Variants in GLRA2 observed in about 807,000 individuals in gnomAD.
GLRA2 encodes glycine receptor subunit alpha-2.
In GLRA2, 11 loss-of-function variants were observed where a neutral mutation model predicts 31.6. The observed-to-expected ratio is 0.35, with a 90% CI of 0.22 to 0.58. The LOEUF is 0.58. GLRA2 is among the 20% of genes least tolerant of loss of function. The pLI, the probability that GLRA2 is intolerant of heterozygous loss-of-function variation, is 0.84. For missense variants in GLRA2, 212 were observed against 351.8 expected (o/e 0.60, Z 3.18); for synonymous variants, 132 against 134.0 (o/e 0.99, Z 0.10).
At chrX:14,492,745 A>G in the GLRA2 span, among the ~76,000 whole-genome samples, 1 of 111,734 alleles carries the variant, frequency 8.9e-6, no homozygotes, top group South Asian at 3.7e-4. Flanking sequence ...CTAAATGATT[A>G]CCCTAGTGTC....
chrX:14,655,069 A>T (rs1601804551), intron 7 of GLRA2, among the ~76,000 whole-genome samples: 1 of 111,369 alleles, frequency 9.0e-6, no homozygotes, highest in Non-Finnish European at 1.9e-5. Flanking sequence ...TTGAGTGGGG[A>T]CACAGCCAAA....
chrX:14,511,546 A>G, the GLRA2 span, among the ~76,000 whole-genome samples: 2 of 112,035 alleles, frequency 1.8e-5, no homozygotes, highest in African/African-American at 6.5e-5. Context: ...AGAGGCTCAT[A>G]TGATAATTGC....
upstream of GLRA2, among the ~76,000 whole-genome samples, chrX:14,527,928 C>T (rs2089200164): frequency 8.9e-6 from 1 of 112,383 alleles, no homozygotes; most frequent in Admixed American, 9.4e-5. Flanking sequence ...CTACACCATA[C>T]TGTTTTTCTT....
At chrX:14,486,015 T>G in the GLRA2 span, among the ~76,000 whole-genome samples, 7 of 112,042 alleles carry the variant, frequency 6.2e-5, no homozygotes, top group African/African-American at 2.3e-4. Flanking sequence ...TCTGGCTCCT[T>G]TATTCCAACA....
At chrX:14,540,517 GAC>G (rs2089387161) in intron 2 of GLRA2, among the ~76,000 whole-genome samples, 1 of 110,792 alleles carries the variant, frequency 9.0e-6, no homozygotes. Flanking sequence ...AACCCTGAAG[GAC>G]AGTTTCCTAG....
the GLRA2 span, among the ~76,000 whole-genome samples, chrX:14,487,170 A>C: frequency 3.6e-5 from 4 of 110,298 alleles, no homozygotes; most frequent in Non-Finnish European, 7.6e-5. Context: ...TATGGTAGTC[A>C]ACAGACACAT....
At position 14,644,559 on chromosome X, in the gene GLRA2, A is replaced by G. The variant is rs780683169; in HGVS notation, c.930+35354A>G. 5.3e-5 allele frequency among the ~76,000 whole-genome samples: 6 copies of G among 112,152 alleles called. No homozygotes were observed. The East Asian group carries it at 1.7e-3, about 31-fold the overall frequency. On this transcript the variant is annotated intron_variant, in intron 7 of 8. Transcript: ENST00000218075. ...AAGAACTATGGCATTCTCTACAGCC[A>G]AAATCTCAAAATAAAAAGCCCAGGG...
intron 2 of GLRA2, among the ~76,000 whole-genome samples, chrX:14,549,802 C>T (rs1037091726): frequency 9.0e-6 from 1 of 111,344 alleles, no homozygotes; most frequent in African/African-American, 3.3e-5. Flanking sequence ...TTGCTAAGAT[C>T]ACCCAGTGAG....
intron 2 of GLRA2, among the ~76,000 whole-genome samples, chrX:14,548,993 T>C (rs2089519378): frequency 8.9e-6 from 1 of 111,963 alleles, no homozygotes; most frequent in Non-Finnish European, 1.9e-5. Flanking sequence ...CAAAAATCTT[T>C]ACAAAAGACT....
chrX:14,631,209 C>G (rs1353639389), intron 7 of GLRA2, among the ~76,000 whole-genome samples: 2 of 111,440 alleles, frequency 1.8e-5, no homozygotes, highest in Non-Finnish European at 3.8e-5. Flanking sequence ...AGTATATTTT[C>G]CATCTCAGAC....
intron 7 of GLRA2, among the ~76,000 whole-genome samples, chrX:14,650,739 C>T (rs1312360501): frequency 1.8e-5 from 2 of 111,746 alleles, no homozygotes; most frequent in Non-Finnish European, 1.9e-5. Context: ...AAGGGTCTTA[C>T]TTTCATTTGC....
At chrX:14,546,599 ATT>A (rs4014225) in intron 2 of GLRA2, among the ~76,000 whole-genome samples, 21,345 of 104,585 alleles carry the variant, frequency 0.2, 2,162 homozygotes, top group Non-Finnish European at 0.31. Flanking sequence ...CACACGTGGG[ATT>A]TTTTTTTTTT....
the GLRA2 span, among the ~76,000 whole-genome samples, chrX:14,454,116 G>C: frequency 5.6e-5 from 6 of 107,264 alleles, no homozygotes; most frequent in Admixed American, 6.0e-4. Flanking sequence ...TGTAGTGATG[G>C]ATACAAAAGC....
At chrX:14,461,121 G>A in the GLRA2 span, among the ~76,000 whole-genome samples, 1 of 112,209 alleles carries the variant, frequency 8.9e-6, no homozygotes, top group East Asian at 2.8e-4. Flanking sequence ...TATTTACCCA[G>A]TAGCCATTCA....
intron 2 of GLRA2, among the ~76,000 whole-genome samples, chrX:14,547,880 G>A (rs2089502720): frequency 8.9e-6 from 1 of 111,777 alleles, no homozygotes; most frequent in Non-Finnish European, 1.9e-5. Context: ...AGTTCAAGAA[G>A]GTTAGGATTG....
chrX:14,605,410 G>T (rs900159765), intron 5 of GLRA2, among the ~76,000 whole-genome samples: 6 of 111,530 alleles, frequency 5.4e-5, no homozygotes, highest in Non-Finnish European at 1.1e-4. Flanking sequence ...AGTTGTCATA[G>T]ATAAAATGAA....
the GLRA2 span, among the ~76,000 whole-genome samples, chrX:14,480,444 G>A: frequency 1.8e-5 from 2 of 111,640 alleles, no homozygotes; most frequent in Non-Finnish European, 3.8e-5. Flanking sequence ...TCCCAAGGCA[G>A]ATGTCCAGAA....
chrX:14,581,435 C>A, intron 4 of GLRA2, 29 bp downstream of exon 4: 1 of 853,509 alleles, frequency 1.2e-6, no homozygotes, highest in Non-Finnish European at 1.8e-6. Context: ...CACATGTTCG[C>A]ATCTCCATTT....
the GLRA2 span, among the ~76,000 whole-genome samples, chrX:14,489,900 T>G: frequency 7.7e-3 from 864 of 111,656 alleles, 7 homozygotes; most frequent in Middle Eastern, 0.014. Flanking sequence ...TCTAAAGTGA[T>G]TATTTTTTTT....
Sources: allele counts gnomAD v4.1 joint callset (sites outside exome capture counted in the v4.1 genomes callset), GRCh38; gene constraint gnomAD v4.1.1; transcripts MANE v1.5; gene names NCBI Gene and HGNC (gene_info 2026-07-23, HGNC 2026-07-21).